The following MGMT variants were observed in gnomAD, a reference collection of about 807,000 sequenced individuals.
MGMT encodes O-6-methylguanine-DNA methyltransferase.
In MGMT, 14 loss-of-function variants were observed where a neutral mutation model predicts 15.9. The observed-to-expected ratio is 0.88, with a 90% CI of 0.58 to 1.37. MGMT has a LOEUF of 1.37. MGMT is among the 40% of genes most tolerant of loss of function. MGMT has a pLI of 0.00. For synonymous variants in MGMT, 130 were observed against 118.2 expected (o/e 1.10, Z -0.65); for missense variants, 282 against 268.1 (o/e 1.05, Z -0.36).
At chr10:129,525,743 G>C (rs1320440798) in intron 1 of MGMT, among the ~76,000 whole-genome samples, 1 of 152,188 alleles carries the variant, frequency 6.6e-6, no homozygotes, top group Non-Finnish European at 1.5e-5. Flanking sequence ...TGCGGCTTCA[G>C]ATAGAAACCT....
At chr10:129,669,037 G>T (rs1008061248) in intron 2 of MGMT, among the ~76,000 whole-genome samples, 6 of 152,170 alleles carry the variant, frequency 3.9e-5, no homozygotes, top group Non-Finnish European at 5.9e-5. Context: ...TATTGTAAGT[G>T]TTATGCATTT....
intron 3 of MGMT, among the ~76,000 whole-genome samples, chr10:129,714,953 G>A (rs575634292): frequency 6.6e-6 from 1 of 152,234 alleles, no homozygotes; most frequent in East Asian, 1.9e-4. Flanking sequence ...AGCATAGTTA[G>A]GTGAGAGTTT....
chr10:129,512,364 A>C (rs2119701050), intron 1 of MGMT, among the ~76,000 whole-genome samples: 1 of 152,224 alleles, frequency 6.6e-6, no homozygotes, highest in Non-Finnish European at 1.5e-5. Flanking sequence ...TTATTCTGTT[A>C]CACGTTAATT....
At chr10:129,504,480 T>G (rs1845605095) in intron 1 of MGMT, among the ~76,000 whole-genome samples, 1 of 152,238 alleles carries the variant, frequency 6.6e-6, no homozygotes, top group African/African-American at 2.4e-5. Flanking sequence ...GATTTGAATG[T>G]GTTGCAGGAC....
intron 2 of MGMT, among the ~76,000 whole-genome samples, chr10:129,582,804 G>C (rs542750769): frequency 6.6e-6 from 1 of 152,146 alleles, no homozygotes; most frequent in Admixed American, 6.5e-5. Flanking sequence ...CCCTGTGCCC[G>C]CCATGACCAT....
At chr10:129,701,986 T>C (rs1229261293) in intron 2 of MGMT, 2 of 152,314 alleles carry the variant, frequency 1.3e-5, no homozygotes, top group East Asian at 3.9e-4. Context: ...TAACCACCTT[T>C]CTGTGCCCTG....
chr10:129,669,629 A>G (rs1360831269), intron 2 of MGMT, among the ~76,000 whole-genome samples: 1 of 152,238 alleles, frequency 6.6e-6, no homozygotes, highest in African/African-American at 2.4e-5. Context: ...TCAATTGCAC[A>G]GTTAAAAAGA....
chr10:129,516,561 G>A (rs1333350925), intron 1 of MGMT, among the ~76,000 whole-genome samples: 7 of 152,198 alleles, frequency 4.6e-5, no homozygotes, highest in Non-Finnish European at 7.3e-5. Context: ...AATCAAAACC[G>A]TGTAGCACGT....
chr10:129,657,674 AACACACACACACACACACACACAC>A (rs60284981), intron 2 of MGMT, among the ~76,000 whole-genome samples: 3 of 93,458 alleles, frequency 3.2e-5, no homozygotes, highest in Non-Finnish European at 6.9e-5. Context: ...CAGCTCCTCC[AACACACACACACACACACACACAC>A]ACACACACGC....
At chr10:129,617,410 T>C (rs942398426) in intron 2 of MGMT, among the ~76,000 whole-genome samples, 16 of 152,250 alleles carry the variant, frequency 1.1e-4, no homozygotes, top group Non-Finnish European at 1.8e-4. Context: ...TGTATCTTTA[T>C]GGTAGAACCG....
intron 2 of MGMT, among the ~76,000 whole-genome samples, chr10:129,639,130 GATC>G (rs1205939513): frequency 6.6e-6 from 1 of 151,980 alleles, no homozygotes; most frequent in Non-Finnish European, 1.5e-5. Flanking sequence ...CAGAAGAAAA[GATC>G]ATTGGAAATT....
At chr10:129,650,014 C>T (rs1015712865) in intron 2 of MGMT, among the ~76,000 whole-genome samples, 12 of 151,968 alleles carry the variant, frequency 7.9e-5, no homozygotes, top group Non-Finnish European at 1.8e-4. Flanking sequence ...CATTGTAGAC[C>T]TTAAAAGGTC....
intron 1 of MGMT, among the ~76,000 whole-genome samples, chr10:129,481,807 G>T (rs968764123): frequency 1.3e-5 from 2 of 152,040 alleles, no homozygotes; most frequent in African/African-American, 2.4e-5. Context: ...CCTGATATTG[G>T]TAATTTGCAC....
intron 1 of MGMT, among the ~76,000 whole-genome samples, chr10:129,524,696 A>G (rs1021429585): frequency 4.3e-5 from 6 of 140,248 alleles, no homozygotes; most frequent in African/African-American, 1.1e-4. Context: ...GGTTCACGCC[A>G]TTCTCCTGCC....
chr10:129,646,754 A>ATATATATATATATATTTTTTTTTTTTTTT, intron 2 of MGMT, among the ~76,000 whole-genome samples: 29 of 86,574 alleles, frequency 3.3e-4, no homozygotes, highest in Non-Finnish European at 6.2e-4. Context: ...ATATATATAT[A>ATATATATATATATATTTTTTTTTTTTTTT]TTTTCAGGGA....
chr10:129,719,173 C>T (rs1848338305), intron 3 of MGMT, among the ~76,000 whole-genome samples: 1 of 151,902 alleles, frequency 6.6e-6, no homozygotes, highest in Admixed American at 6.5e-5. Context: ...TCAGGCGTGT[C>T]ACCTTCTGCT....
intron 1 of MGMT, among the ~76,000 whole-genome samples, chr10:129,468,080 G>A (rs539972821): frequency 3.4e-5 from 4 of 119,178 alleles, no homozygotes; most frequent in Non-Finnish European, 6.9e-5. Flanking sequence ...GCTGTTCTCA[G>A]TAGAATGTTA....
intron 2 of MGMT, among the ~76,000 whole-genome samples, chr10:129,627,294 A>G (rs1847160744): frequency 6.6e-6 from 1 of 152,202 alleles, no homozygotes; most frequent in South Asian, 2.1e-4. Flanking sequence ...GTGACAGGCT[A>G]AACTAAGCTG....
chr10:129,481,497 T>C (rs1164239718), intron 1 of MGMT, among the ~76,000 whole-genome samples: 2 of 152,218 alleles, frequency 1.3e-5, no homozygotes, highest in African/African-American at 4.8e-5. Flanking sequence ...TGGATTAGTT[T>C]GTGTACCGTT....
Sources: allele counts gnomAD v4.1 joint callset (sites outside exome capture counted in the v4.1 genomes callset), GRCh38; gene constraint gnomAD v4.1.1; transcripts MANE v1.5; gene names NCBI Gene and HGNC (gene_info 2026-07-23, HGNC 2026-07-21).